The following NWD2 variants were observed in gnomAD, a reference collection of about 807,000 sequenced individuals.
NWD2 encodes NACHT and WD repeat domain-containing protein 2.
A neutral mutation model predicts 132.7 loss-of-function variants in NWD2; 37 were observed. That is an observed-to-expected ratio of 0.28 (90% CI 0.21 to 0.37). NWD2 has a LOEUF of 0.37. Ranked by LOEUF, NWD2 falls within the 10% of genes least tolerant of loss-of-function variation. The pLI is 1.00. For synonymous variants in NWD2, 705 were observed against 803.0 expected (o/e 0.88, Z 2.06); for missense variants, 1,592 against 2,122.4 (o/e 0.75, Z 4.91).
chr4:37,302,917 CTG>C (rs1718636474), intron 1 of NWD2, among the ~76,000 whole-genome samples: 1 of 152,072 alleles, frequency 6.6e-6, no homozygotes, highest in African/African-American at 2.4e-5. Flanking sequence ...TCTCTTTACT[CTG>C]TTGATTTATT....
chr4:37,384,082 C>T (rs1720511373), intron 3 of NWD2, among the ~76,000 whole-genome samples: 1 of 152,188 alleles, frequency 6.6e-6, no homozygotes, highest in African/African-American at 2.4e-5. Flanking sequence ...GCCTCACATG[C>T]ATTAGCTGTT....
At chr4:37,276,998 G>T (rs139806804) in intron 1 of NWD2, among the ~76,000 whole-genome samples, 2 of 152,006 alleles carry the variant, frequency 1.3e-5, no homozygotes, top group African/African-American at 4.8e-5. Context: ...GTTGGGGGAT[G>T]GGGGAGGGAT....
At chr4:37,433,608 C>G (rs570054749) in intron 4 of NWD2, among the ~76,000 whole-genome samples, 2 of 152,216 alleles carry the variant, frequency 1.3e-5, no homozygotes, top group East Asian at 3.9e-4. Context: ...TATCAAAACT[C>G]AAAAGGGAAA....
At chr4:37,359,245 C>G (rs1273094550) in intron 3 of NWD2, among the ~76,000 whole-genome samples, 1 of 152,102 alleles carries the variant, frequency 6.6e-6, no homozygotes, top group Non-Finnish European at 1.5e-5. Flanking sequence ...TGAGCATAAA[C>G]AAATCATTTA....
chr4:37,322,945 G>A (rs948710903), intron 1 of NWD2, among the ~76,000 whole-genome samples: 3 of 152,118 alleles, frequency 2.0e-5, no homozygotes, highest in Non-Finnish European at 4.4e-5. Context: ...ATCGGTCATT[G>A]CAAAGGTTGA....
Position 37,428,479 on chromosome 4 carries a change from A to T in NWD2, c.358-2093A>T, listed in dbSNP as rs1712066656. On this transcript the variant is annotated intron_variant, in intron 3 of 6. Coordinates refer to ENST00000309447, the MANE Select transcript of NWD2 (RefSeq NM_001144990.2). ...AAGATGAAGATTAATTGAAATACCA[A>T]GTGCTATATAAGCTAATAGTTTTAT... Among the ~76,000 whole-genome samples the T allele has an allele frequency of 2.0e-5, 3 of 152,338 alleles. No individual in the cohort carries two copies. In the South Asian group the frequency reaches 6.2e-4, roughly 32 times the overall value.
At chr4:37,357,740 C>T (rs1719899316) in intron 3 of NWD2, among the ~76,000 whole-genome samples, 1 of 151,942 alleles carries the variant, frequency 6.6e-6, no homozygotes, top group Non-Finnish European at 1.5e-5. Flanking sequence ...AACAGTAAGT[C>T]AGTTGGTGAT....
intron 2 of NWD2, among the ~76,000 whole-genome samples, chr4:37,338,184 G>A (rs1719448709): frequency 1.3e-5 from 2 of 152,216 alleles, no homozygotes; most frequent in South Asian, 4.1e-4. Context: ...AGTCTAAGAT[G>A]CATGGATTTT....
At chr4:37,337,485 G>C (rs973635536) in intron 2 of NWD2, among the ~76,000 whole-genome samples, 2 of 152,138 alleles carry the variant, frequency 1.3e-5, no homozygotes, top group African/African-American at 4.8e-5. Flanking sequence ...GATCTTGCCC[G>C]CAACTACTTT....
chr4:37,312,848 G>A lies in NWD2; in HGVS notation c.152-13088G>A, dbSNP rs1376099613. Among the ~76,000 whole-genome samples, 18 of 151,158 alleles carry A rather than the reference G, an allele frequency of 1.2e-4. 1 individual carries two copies. The highest frequency in any genetic ancestry group is 2.2e-4 in the Non-Finnish European group (15 of 68,034). On this transcript the variant is annotated intron_variant, in intron 1 of 6. Coordinates refer to ENST00000309447, the MANE Select transcript of NWD2 (RefSeq NM_001144990.2). The stretch of plus-strand genomic sequence containing the variant: ...AGAGTTTTTAGCATGAAGGGTTGTT[G>A]AATTTTGTCAAAGACCTTTTCTGCA...
chr4:37,318,783 T>A (rs950588286), intron 1 of NWD2, among the ~76,000 whole-genome samples: 31 of 152,304 alleles, frequency 2.0e-4, no homozygotes, highest in African/African-American at 7.0e-4. Flanking sequence ...TCCAGCTGTA[T>A]CCATGTTGCT....
chr4:37,340,754 G>C (rs1169614772), intron 2 of NWD2, among the ~76,000 whole-genome samples: 1 of 152,198 alleles, frequency 6.6e-6, no homozygotes, highest in South Asian at 2.1e-4. Flanking sequence ...AATTCTAACA[G>C]TATATAGAAA....
intron 3 of NWD2, among the ~76,000 whole-genome samples, chr4:37,364,691 T>TAC (rs57981065): frequency 0.34 from 50,219 of 146,318 alleles, 8,932 homozygotes; most frequent in East Asian, 0.48. Context: ...TACCTCCACT[T>TAC]ACACACACAC....
At chr4:37,275,543 C>T (rs1717991311) in intron 1 of NWD2, among the ~76,000 whole-genome samples, 1 of 152,132 alleles carries the variant, frequency 6.6e-6, no homozygotes, top group Non-Finnish European at 1.5e-5. Flanking sequence ...ATCAATCTAC[C>T]AATGACTTTC....
chr4:37,384,376 G>A (rs1720516879), intron 3 of NWD2, among the ~76,000 whole-genome samples: 2 of 152,094 alleles, frequency 1.3e-5, no homozygotes. Context: ...ATAAGCCCTT[G>A]GGTTTGTAAT....
intron 3 of NWD2, among the ~76,000 whole-genome samples, chr4:37,374,015 G>T (rs13106487): frequency 0.11 from 16,411 of 152,164 alleles, 921 homozygotes; most frequent in Middle Eastern, 0.14. Context: ...GTAGGGATGG[G>T]TGGTGATATA....
intron 3 of NWD2, among the ~76,000 whole-genome samples, chr4:37,374,492 A>G (rs1577683125): frequency 6.6e-6 from 1 of 152,266 alleles, no homozygotes; most frequent in Non-Finnish European, 1.5e-5. Flanking sequence ...TCAGTGATGC[A>G]GATAATACAC....
chr4:37,347,084 T>C (rs546883863), intron 2 of NWD2, among the ~76,000 whole-genome samples: 2 of 152,226 alleles, frequency 1.3e-5, no homozygotes, highest in East Asian at 3.9e-4. Flanking sequence ...TCATTGACTA[T>C]TTAGGAGTAT....
intron 5 of NWD2, among the ~76,000 whole-genome samples, chr4:37,437,886 A>T (rs968697986): frequency 1.8e-4 from 28 of 152,160 alleles, no homozygotes; most frequent in African/African-American, 6.8e-4. Flanking sequence ...CTTTTTCTGT[A>T]CTTGTTCTGA....
Sources: allele counts gnomAD v4.1 joint callset (sites outside exome capture counted in the v4.1 genomes callset), GRCh38; gene constraint gnomAD v4.1.1; transcripts MANE v1.5; gene names NCBI Gene and HGNC (gene_info 2026-07-23, HGNC 2026-07-21).